The following SLC25A21 variants were observed in gnomAD, a reference collection of about 807,000 sequenced individuals.
SLC25A21 encodes mitochondrial 2-oxodicarboxylate carrier.
A neutral mutation model predicts 43.8 loss-of-function variants in SLC25A21; 47 were observed. That is an observed-to-expected ratio of 1.07 (90% CI 0.85 to 1.37). The LOEUF is 1.37. Among genes scored for constraint, SLC25A21 ranks in the 40% most tolerant of loss-of-function variants. SLC25A21 has a pLI of 0.00. For missense variants in SLC25A21, 352 were observed against 350.2 expected (o/e 1.00, Z -0.04); for synonymous variants, 131 against 121.3 (o/e 1.08, Z -0.52).
At chr14:37,158,240 T>TATC (rs1259396299) in intron 1 of SLC25A21, among the ~76,000 whole-genome samples, 2 of 152,122 alleles carry the variant, frequency 1.3e-5, no homozygotes, top group Admixed American at 6.5e-5. Flanking sequence ...ATGAGACCAG[T>TATC]ATCACCCTGA....
chr14:37,172,184 C>T, intron 1 of SLC25A21, 97 bp downstream of exon 1: 4 of 1,258,322 alleles, frequency 3.2e-6, no homozygotes, highest in Non-Finnish European at 4.4e-6. Flanking sequence ...AGGAAGAGGG[C>T]AGAACTTCAG....
intron 1 of SLC25A21, among the ~76,000 whole-genome samples, chr14:36,933,110 G>C (rs1892335429): frequency 6.6e-6 from 1 of 151,950 alleles, no homozygotes; most frequent in Admixed American, 6.6e-5. Flanking sequence ...CTAAAATAAG[G>C]GCACACCCCT....
At chr14:37,167,780 T>C (rs758581547) in intron 1 of SLC25A21, among the ~76,000 whole-genome samples, 4 of 151,934 alleles carry the variant, frequency 2.6e-5, no homozygotes, top group Non-Finnish European at 5.9e-5. Context: ...ATCTAACTGG[T>C]TCTTGTGATC....
chr14:37,051,243 A>G (rs1961699678), intron 1 of SLC25A21, among the ~76,000 whole-genome samples: 1 of 152,212 alleles, frequency 6.6e-6, no homozygotes, highest in Non-Finnish European at 1.5e-5. Context: ...AAATCTCAAA[A>G]TATCTATCAT....
chr14:36,910,846 T>C (rs1240134993), intron 1 of SLC25A21, among the ~76,000 whole-genome samples: 2 of 152,228 alleles, frequency 1.3e-5, no homozygotes, highest in Non-Finnish European at 2.9e-5. Context: ...GTTCTTTACA[T>C]TAATTCTCTA....
chr14:36,982,441 G>C (rs528334546), intron 1 of SLC25A21, among the ~76,000 whole-genome samples: 1 of 152,176 alleles, frequency 6.6e-6, no homozygotes, highest in South Asian at 2.1e-4. Flanking sequence ...ATGGAACAAA[G>C]AACAAAATTT....
At chr14:36,717,638 GGAAA>G (rs1429394642) in intron 6 of SLC25A21, among the ~76,000 whole-genome samples, 1 of 152,214 alleles carries the variant, frequency 6.6e-6, no homozygotes. Flanking sequence ...TTACGACTCA[GGAAA>G]GACTGGCAAC....
intron 1 of SLC25A21, among the ~76,000 whole-genome samples, chr14:36,931,436 G>A (rs868556986): frequency 6.6e-6 from 1 of 152,134 alleles, no homozygotes; most frequent in African/African-American, 2.4e-5. Context: ...GAGAGAAATG[G>A]AGAGCATTTG....
chr14:36,741,509 C>T (rs1885262330), intron 3 of SLC25A21, among the ~76,000 whole-genome samples: 1 of 152,180 alleles, frequency 6.6e-6, no homozygotes, highest in Non-Finnish European at 1.5e-5. Flanking sequence ...GAAGCTGGGG[C>T]TTTCCCTGGT....
intron 3 of SLC25A21, among the ~76,000 whole-genome samples, chr14:36,780,895 T>C (rs1236985740): frequency 6.6e-6 from 1 of 152,112 alleles, no homozygotes; most frequent in Admixed American, 6.5e-5. Context: ...TTTTTCTGGA[T>C]GATCTATCCA....
At chr14:36,721,282 C>A (rs1017774079) in intron 6 of SLC25A21, among the ~76,000 whole-genome samples, 3 of 152,162 alleles carry the variant, frequency 2.0e-5, no homozygotes, top group African/African-American at 7.2e-5. Context: ...TCTCACTTAA[C>A]CCTCATTTGA....
chr14:36,900,473 C>G (rs1034443835), intron 1 of SLC25A21, among the ~76,000 whole-genome samples: 1 of 152,182 alleles, frequency 6.6e-6, no homozygotes, highest in South Asian at 2.1e-4. Context: ...ACTTTTGCTG[C>G]TTCCTACCCT....
At chr14:36,726,445 A>T (rs1884603645) in intron 5 of SLC25A21, among the ~76,000 whole-genome samples, 1 of 152,036 alleles carries the variant, frequency 6.6e-6, no homozygotes, top group South Asian at 2.1e-4. Context: ...ATAAAATAAA[A>T]AAAAAAAGAA....
In SLC25A21 at chr14:36,958,335, T is replaced by C. The variant is rs116281802; in HGVS notation, c.71-83331A>G. Among the ~76,000 whole-genome samples the C allele has an allele frequency of 7.3e-3, 1,110 of 152,316 alleles. 17 individuals carry two copies. Among genetic ancestry groups the C allele is most frequent in the African/African-American group, 0.024 (989 of 41,564 alleles). ...TCCAGCAACATTCATTTCCAAGTTT[T>C]GTCCCATGTAATTGGCATTTATTTC... On this transcript the variant is annotated intron_variant, in intron 1 of 9. Coordinates refer to ENST00000331299, the MANE Select transcript of SLC25A21 (RefSeq NM_030631.4).
intron 7 of SLC25A21, among the ~76,000 whole-genome samples, chr14:36,695,475 G>A (rs945998728): frequency 6.6e-6 from 1 of 152,134 alleles, no homozygotes; most frequent in South Asian, 2.1e-4. Context: ...GATGGGGATG[G>A]CATTGAATCT....
At chr14:36,761,377 C>T (rs192076877) in intron 3 of SLC25A21, among the ~76,000 whole-genome samples, 289 of 152,336 alleles carry the variant, frequency 1.9e-3, no homozygotes, top group East Asian at 0.012. Context: ...TGACTGCGCT[C>T]CTCTCTCTCA....
intron 7 of SLC25A21, among the ~76,000 whole-genome samples, chr14:36,703,846 T>C (rs1883383113): frequency 6.6e-6 from 1 of 152,210 alleles, no homozygotes; most frequent in Non-Finnish European, 1.5e-5. Flanking sequence ...GTTTTTGCAA[T>C]GAGAGTTTAT....
chr14:36,800,333 C>T (rs1887826755), intron 3 of SLC25A21, among the ~76,000 whole-genome samples: 1 of 152,142 alleles, frequency 6.6e-6, no homozygotes, highest in African/African-American at 2.4e-5. Flanking sequence ...GGTCCACTGA[C>T]ACCTGGATAT....
chr14:37,015,211 T>G (rs1445345771), intron 1 of SLC25A21, among the ~76,000 whole-genome samples: 4 of 100,550 alleles, frequency 4.0e-5, no homozygotes, highest in African/African-American at 8.0e-5. Context: ...CCCACAACAG[T>G]CCCCAGAGTG....
Sources: allele counts gnomAD v4.1 joint callset (sites outside exome capture counted in the v4.1 genomes callset), GRCh38; gene constraint gnomAD v4.1.1; transcripts MANE v1.5; gene names NCBI Gene and HGNC (gene_info 2026-07-23, HGNC 2026-07-21).